The following FGD5 variants were observed in gnomAD, a reference collection of about 807,000 sequenced individuals.
FGD5 encodes the protein FYVE, RhoGEF and PH domain-containing protein 5.
Under a neutral mutation model 133.4 loss-of-function variants are expected in FGD5, and 28 were observed. That is an observed-to-expected ratio of 0.21 (90% CI 0.16 to 0.29). The LOEUF (loss-of-function observed/expected upper bound fraction) is 0.29, where lower values mean the gene tolerates loss of function less well. Ranked by LOEUF, FGD5 falls within the 10% of genes least tolerant of loss-of-function variation. The probability of loss-of-function intolerance (pLI) is 1.00; values close to 1 mark genes in which losing one functional copy is unlikely to be tolerated. For missense variants in FGD5, 1,858 were observed against 1,895.2 expected (o/e 0.98, Z 0.36); for synonymous variants, 810 against 776.5 (o/e 1.04, Z -0.72).
intron 1 of FGD5, among the ~76,000 whole-genome samples, chr3:14,844,220 ATATATATATAT>A (rs2036993473): frequency 0.036 from 585 of 16,342 alleles, 72 homozygotes; most frequent in Middle Eastern, 0.14. Flanking sequence ...AAAAAAAAAT[ATATATATATAT>A]ATATATATAT....
intron 1 of FGD5, among the ~76,000 whole-genome samples, chr3:14,859,099 C>G (rs926406442): frequency 3.9e-5 from 6 of 152,070 alleles, no homozygotes; most frequent in Non-Finnish European, 4.4e-5. Context: ...CATTTCTAGA[C>G]CTTTAAAAAT....
chr3:14,886,398 C>T (rs2037924331), intron 4 of FGD5, among the ~76,000 whole-genome samples: 1 of 152,234 alleles, frequency 6.6e-6, no homozygotes, highest in Non-Finnish European at 1.5e-5. Context: ...AGCACGCACC[C>T]CGGGAAGCTC....
intron 1 of FGD5, among the ~76,000 whole-genome samples, chr3:14,848,962 A>G (rs1205457790): frequency 1.3e-5 from 2 of 152,178 alleles, no homozygotes; most frequent in Non-Finnish European, 2.9e-5. Flanking sequence ...GCGTGGATTT[A>G]TAGGGTTTAG....
Position 14,934,200 on chromosome 3 carries a change from A to T in FGD5, c.*1033A>T, listed in dbSNP as rs1375214413. The T allele has an allele frequency of 6.6e-6, 1 of 152,210 alleles. No homozygotes were observed. Among genetic ancestry groups the T allele is most frequent in the East Asian group, 1.9e-4 (1 of 5,200 alleles). 9.4% of individuals were successfully genotyped at this position (152,210 alleles called of 1,614,324 possible). ...AAAGGTGAATTCCTGGTCTTGGCAGATGGCTCTGGGAACAGCGAGGGAGCA... is the reference window on the plus strand; with the variant it reads ...AAAGGTGAATTCCTGGTCTTGGCAGTTGGCTCTGGGAACAGCGAGGGAGCA... On this transcript the variant is annotated 3_prime_UTR_variant, in exon 20 of 20. Coordinates refer to ENST00000285046, the MANE Select transcript of FGD5 (RefSeq NM_152536.4).
rs548017763 is a variant in FGD5 at position 14,885,817 on chromosome 3, A to G, written c.2748+5045A>G. Among the ~76,000 whole-genome samples the G allele has an allele frequency of 1.6e-4, 25 of 152,304 alleles. No individual in the cohort carries two copies. The South Asian group carries it at 1.7e-3, about 10-fold the overall frequency. ...AGTCACAAAGGTCTACCCAGGTTCAATGGGAGGGGACATAGTCTCTCCTAT... is the reference window on the plus strand; with the variant it reads ...AGTCACAAAGGTCTACCCAGGTTCAGTGGGAGGGGACATAGTCTCTCCTAT... On this transcript the variant is annotated intron_variant, in intron 4 of 19. Transcript: ENST00000285046.
intron 2 of FGD5, among the ~76,000 whole-genome samples, chr3:14,878,460 TC>T (rs1346888735): frequency 6.6e-6 from 1 of 152,216 alleles, no homozygotes; most frequent in Non-Finnish European, 1.5e-5. Flanking sequence ...TTGGTTTTGT[TC>T]CTGGCACCAC....
chr3:14,871,502 T>C (rs1347869407), intron 2 of FGD5, among the ~76,000 whole-genome samples: 3 of 152,190 alleles, frequency 2.0e-5, no homozygotes, highest in African/African-American at 7.2e-5. Context: ...TCCTGTTGCT[T>C]CACCCTGGCT....
rs957635108 is a variant in FGD5, at chr3:14,846,052, T to C, written c.2526-18076T>C. ...TATTGACATAAAAGTGACTGATTGTTAGAAAACCTCTTCCCTATTTGATGA... is the reference window on the plus strand; with the variant it reads ...TATTGACATAAAAGTGACTGATTGTCAGAAAACCTCTTCCCTATTTGATGA... On this transcript the variant is annotated intron_variant, in intron 1 of 19. Coordinates refer to ENST00000285046, the MANE Select transcript of FGD5 (RefSeq NM_152536.4). Among the ~76,000 whole-genome samples, 5 of 152,302 alleles carry C rather than the reference T, an allele frequency of 3.3e-5. No homozygotes were observed. In the East Asian group the frequency reaches 9.6e-4, roughly 29 times the overall value.
chr3:14,830,063 C>T (rs1166216636), intron 1 of FGD5, among the ~76,000 whole-genome samples: 2 of 152,138 alleles, frequency 1.3e-5, no homozygotes, highest in South Asian at 2.1e-4. Context: ...CTGAGAGCCG[C>T]GTGGCTGGAT....
intron 18 of FGD5, chr3:14,932,066 T>C (rs1692011584): frequency 6.6e-6 from 1 of 152,104 alleles, no homozygotes; most frequent in African/African-American, 2.4e-5. Flanking sequence ...AGACATATTG[T>C]CTCAACATAC....
intron 9 of FGD5, among the ~76,000 whole-genome samples, chr3:14,905,958 A>C (rs79013484): frequency 0.02 from 3,024 of 152,130 alleles, 97 homozygotes; most frequent in East Asian, 0.11. Context: ...TGTTCACGGT[A>C]GGGTACAGGG....
intron 1 of FGD5, among the ~76,000 whole-genome samples, chr3:14,824,356 G>A (rs528406182): frequency 6.6e-6 from 1 of 152,322 alleles, no homozygotes; most frequent in East Asian, 1.9e-4. Context: ...TGGAGGGGAT[G>A]CTGCTGATCT....
rs1236737494 is a variant in FGD5 at position 14,819,760 on chromosome 3, A to T, written c.689A>T (p.Asp230Val). Reference sequence around the variant, plus strand: ...GCCAGCACAGACCCAGCAGGGGCAGATGAGGGTTCGGGTCCTGACAGGCCC... The same window carrying T: ...GCCAGCACAGACCCAGCAGGGGCAGTTGAGGGTTCGGGTCCTGACAGGCCC... ...GCASTDPAGA[D>V]EGSGPDRPTE... Residue 230 changes from aspartate (D) to valine (V), a missense_variant, in exon 1 of 20, where the codon GAT becomes GTT. Transcript: ENST00000285046. This position sits in a 1 kb window ranked among gnomAD's most constrained non-coding sequence, Gnocchi z 4.1. 1 of 1,543,566 alleles carries T rather than the reference A, an allele frequency of 6.5e-7. No individual in the cohort carries two copies. The highest frequency in any genetic ancestry group is 1.2e-5 in the South Asian group (1 of 81,366).
At chr3:14,925,471 G>T (rs1575264738) in intron 17 of FGD5, among the ~76,000 whole-genome samples, 1 of 152,226 alleles carries the variant, frequency 6.6e-6, no homozygotes, top group Non-Finnish European at 1.5e-5. Flanking sequence ...TCAGCAAATT[G>T]CTCATCATTA....
At chr3:14,925,570 C>T (rs2038785927) in intron 17 of FGD5, among the ~76,000 whole-genome samples, 1 of 152,116 alleles carries the variant, frequency 6.6e-6, no homozygotes. Flanking sequence ...AGCCTGTGGA[C>T]AGAATACTAC....
intron 9 of FGD5, among the ~76,000 whole-genome samples, chr3:14,907,058 C>T: frequency 6.6e-6 from 1 of 152,224 alleles, no homozygotes; most frequent in East Asian, 1.9e-4. Context: ...GTTCACCTTA[C>T]AACTTTAGAA....
chr3:14,854,236 T>G (rs993639920), intron 1 of FGD5, among the ~76,000 whole-genome samples: 1 of 152,086 alleles, frequency 6.6e-6, no homozygotes, highest in African/African-American at 2.4e-5. Context: ...CACCTGGCCC[T>G]TTTCCCGTTT....
rs2038592781 is a variant in FGD5, at chr3:14,917,927, GA to G, written c.3489+596del. On this transcript the variant is annotated intron_variant, in intron 12 of 19. Coordinates refer to ENST00000285046, the MANE Select transcript of FGD5 (RefSeq NM_152536.4). The surrounding 1 kb of genome is among the most constrained non-coding windows in gnomAD (Gnocchi z 4.1). ...CTCGAATGAGGAGTCACACAGTATTGATCCTTGTTTCACTTAGCACAGTGTC... is the reference window on the plus strand; with the variant it reads ...CTCGAATGAGGAGTCACACAGTATTGTCCTTGTTTCACTTAGCACAGTGTC... Among the ~76,000 whole-genome samples, 1 of 152,188 alleles carries G rather than the reference GA, an allele frequency of 6.6e-6. No homozygotes were observed. Among genetic ancestry groups the G allele is most frequent in the Non-Finnish European group, 1.5e-5 (1 of 68,032 alleles).
chr3:14,837,571 T>C (rs34996217), intron 1 of FGD5, among the ~76,000 whole-genome samples: 16,317 of 152,212 alleles, frequency 0.11, 966 homozygotes, highest in African/African-American at 0.15. Flanking sequence ...GCCTGAGGAC[T>C]ACCGGGTTTT....
Sources: allele counts gnomAD v4.1 joint callset (sites outside exome capture counted in the v4.1 genomes callset), GRCh38; gene constraint gnomAD v4.1.1; non-coding constraint Gnocchi (gnomAD v3.1); transcripts MANE v1.5; gene names NCBI Gene and HGNC (gene_info 2026-07-23, HGNC 2026-07-21).